Variants in MEMO1 observed in about 807,000 individuals in gnomAD.
MEMO1 encodes mediator of cell motility 1.
MEMO1 carries 6 observed loss-of-function variants against 45.2 expected under a neutral mutation model. The ratio of observed to expected loss-of-function variants is 0.13; its 90% confidence interval spans 0.07 to 0.26. The LOEUF (loss-of-function observed/expected upper bound fraction) is 0.26. MEMO1 is among the 10% of genes least tolerant of loss of function. MEMO1 has a pLI of 1.00. For synonymous variants in MEMO1, 78 were observed against 124.3 expected, an observed-to-expected ratio of 0.63 and a Z score of 2.48; for missense variants, 184 against 370.5, an observed-to-expected ratio of 0.50 and a Z score of 4.13.
chr2:31,980,525 A>G (rs542558117), intron 2 of MEMO1, among the ~76,000 whole-genome samples: 1 of 152,280 alleles, frequency 6.6e-6, no homozygotes, highest in African/African-American at 2.4e-5. Context: ...TTTTAAATGC[A>G]TGAGTCAAAT....
intron 4 of MEMO1, among the ~76,000 whole-genome samples, chr2:31,922,043 C>G (rs1025792594): frequency 6.6e-6 from 1 of 152,056 alleles, no homozygotes; most frequent in African/African-American, 2.4e-5. Context: ...TATGAACCAA[C>G]CTTCCCACAT....
At chr2:32,009,351 G>A (rs1378027147) in intron 2 of MEMO1, among the ~76,000 whole-genome samples, 1 of 152,180 alleles carries the variant, frequency 6.6e-6, no homozygotes, top group African/African-American at 2.4e-5. Context: ...AACACTGACA[G>A]AAGAGCTGGG....
intron 6 of MEMO1, among the ~76,000 whole-genome samples, chr2:31,906,363 G>A (rs996269939): frequency 2.6e-5 from 4 of 150,960 alleles, no homozygotes; most frequent in Admixed American, 6.6e-5. Flanking sequence ...TCGCCCTGTC[G>A]CCCAGGCTGG....
intron 6 of MEMO1, among the ~76,000 whole-genome samples, chr2:31,903,160 T>C (rs1679120797): frequency 6.6e-6 from 1 of 152,184 alleles, no homozygotes; most frequent in South Asian, 2.1e-4. Flanking sequence ...AATTTGAACA[T>C]TTCTCCTCTG....
At chr2:31,994,142 G>C (rs1162341307) in intron 2 of MEMO1, among the ~76,000 whole-genome samples, 1 of 148,396 alleles carries the variant, frequency 6.7e-6, no homozygotes, top group African/African-American at 2.5e-5. Context: ...TGTATTTTTA[G>C]TCAAGACAGG....
intron 2 of MEMO1, among the ~76,000 whole-genome samples, chr2:31,950,433 C>A (rs1666713445): frequency 6.7e-6 from 1 of 148,852 alleles, no homozygotes; most frequent in Non-Finnish European, 1.5e-5. Flanking sequence ...AAAGGTATTT[C>A]TTTGGCTGGG....
chr2:31,919,597 T>C (rs754089319), intron 5 of MEMO1, among the ~76,000 whole-genome samples: 3 of 152,010 alleles, frequency 2.0e-5, no homozygotes, highest in East Asian at 1.9e-4. Flanking sequence ...GACAGGAGAA[T>C]TGCTTGAGAC....
intron 2 of MEMO1, among the ~76,000 whole-genome samples, chr2:31,986,228 A>G (rs1671239971): frequency 6.6e-6 from 1 of 152,144 alleles, no homozygotes; most frequent in African/African-American, 2.4e-5. Flanking sequence ...CCCCGTCTCT[A>G]CTAAAAATAC....
chr2:31,924,447 A>T (rs1682785021), intron 4 of MEMO1, among the ~76,000 whole-genome samples: 1 of 107,926 alleles, frequency 9.3e-6, no homozygotes, highest in African/African-American at 3.6e-5. Flanking sequence ...TACACAAGTT[A>T]AAAAAAAAAA....
intron 2 of MEMO1, among the ~76,000 whole-genome samples, chr2:31,981,248 T>C (rs968209642): frequency 5.9e-5 from 9 of 152,182 alleles, no homozygotes; most frequent in Non-Finnish European, 1.0e-4. Context: ...GTAGTTAGAG[T>C]AAAGTAGTTA....
intron 2 of MEMO1, among the ~76,000 whole-genome samples, chr2:31,991,508 T>C (rs1282573664): frequency 6.7e-6 from 1 of 149,362 alleles, no homozygotes; most frequent in Admixed American, 6.7e-5. Context: ...GAGGTGGAGG[T>C]TGCAGTGAGC....
intron 2 of MEMO1, among the ~76,000 whole-genome samples, chr2:31,960,269 C>A (rs1216483299): frequency 6.6e-6 from 1 of 151,862 alleles, no homozygotes; most frequent in Non-Finnish European, 1.5e-5. Context: ...AATCCTGGAG[C>A]TAGCACTACA....
chr2:31,949,240 T>G (rs189387754), intron 2 of MEMO1, among the ~76,000 whole-genome samples: 333 of 152,278 alleles, frequency 2.2e-3, no homozygotes, highest in African/African-American at 7.3e-3. Flanking sequence ...TACCATAGGA[T>G]CCAGCAATTT....
In MEMO1 at chr2:31,990,923, T is replaced by C. The variant is rs547615366; in HGVS notation, c.61+19264A>G. On this transcript the variant is annotated intron_variant, in intron 2 of 9. Transcript: ENST00000404530. Reference sequence around the variant, plus strand: ...ATATATTATTTAGATATGCACTATATTGAATCACCTTAATGAATGTGTCAT... The same window carrying C: ...ATATATTATTTAGATATGCACTATACTGAATCACCTTAATGAATGTGTCAT... Among the ~76,000 whole-genome samples, 34 of 152,260 alleles carry C rather than the reference T, an allele frequency of 2.2e-4. No homozygotes were observed. The South Asian group carries it at 6.6e-3, about 30-fold the overall frequency.
At chr2:31,891,634 T>C (rs528771381) in intron 7 of MEMO1, among the ~76,000 whole-genome samples, 2 of 151,978 alleles carry the variant, frequency 1.3e-5, no homozygotes, top group African/African-American at 4.8e-5. Context: ...TTCTATACTC[T>C]AAAGAACATT....
chr2:31,963,240 A>G (rs1388171724), intron 2 of MEMO1: 4 of 1,546,508 alleles, frequency 2.6e-6, no homozygotes, highest in Admixed American at 2.0e-5. Flanking sequence ...CCATAATGGC[A>G]TGAGTCAATT....
intron 6 of MEMO1, among the ~76,000 whole-genome samples, chr2:31,913,308 A>T (rs527811217): frequency 7.3e-4 from 110 of 150,974 alleles, no homozygotes; most frequent in African/African-American, 2.4e-3. Flanking sequence ...TCTATTTTTT[A>T]AAAAATACAA....
intron 2 of MEMO1, among the ~76,000 whole-genome samples, chr2:31,995,873 G>A (rs761948664): frequency 3.0e-4 from 45 of 151,954 alleles, no homozygotes; most frequent in Non-Finnish European, 4.1e-4. Flanking sequence ...ATTGTCAAGC[G>A]ACCTGAAGAA....
chr2:31,959,952 T>C (rs1667820224), intron 2 of MEMO1, among the ~76,000 whole-genome samples: 1 of 152,196 alleles, frequency 6.6e-6, no homozygotes, highest in Middle Eastern at 3.2e-3. Context: ...CCTGGTGTGG[T>C]GGTTCATGCC....
Sources: allele counts gnomAD v4.1 joint callset (sites outside exome capture counted in the v4.1 genomes callset), GRCh38; gene constraint gnomAD v4.1.1; transcripts MANE v1.5; gene names NCBI Gene and HGNC (gene_info 2026-07-23, HGNC 2026-07-21).